Variants in RARS2 observed in about 807,000 individuals in gnomAD.
The protein encoded by RARS2 is arginyl-tRNA synthetase 2, mitochondrial.
Under a neutral mutation model 88.5 loss-of-function variants are expected in RARS2, and 67 were observed. The ratio of observed to expected loss-of-function variants is 0.76; its 90% CI spans 0.62 to 0.93. The LOEUF is 0.93. Ranked by LOEUF, RARS2 falls within the 40% of genes least tolerant of loss-of-function variation. RARS2 has a pLI of 0.00. For missense variants in RARS2, 664 were observed against 684.2 expected (o/e 0.97, Z 0.33); for synonymous variants, 239 against 230.3 (o/e 1.04, Z -0.34).
chr6:87,524,359 T>C (rs1444360457), intron 11 of RARS2, among the ~76,000 whole-genome samples, 198 bp downstream of exon 11: 1 of 152,224 alleles, frequency 6.6e-6, no homozygotes, highest in Non-Finnish European at 1.5e-5. Flanking sequence ...GCTAATATGG[T>C]CATCTTTTAG....
rs1178194247 is a variant in RARS2 at position 87,520,054 on chromosome 6, A to G, written c.1112+126T>C. ...AACCAAGACATAATACAAAAATCAAATCTACCTTTCCACACCAGTATCTTG... is the reference window on the plus strand; with the variant it reads ...AACCAAGACATAATACAAAAATCAAGTCTACCTTTCCACACCAGTATCTTG... On this transcript the variant is annotated intron_variant, in intron 13 of 19. Transcript: ENST00000369536. 19 of 851,146 alleles carry G rather than the reference A, an allele frequency of 2.2e-5. No individual in the cohort carries two copies. The East Asian group carries it at 4.6e-4, about 21-fold the overall frequency. 52.7% of individuals were successfully genotyped at this position (851,146 alleles called of 1,614,324 possible).
At position 87,515,095 on chromosome 6, in the gene RARS2, T is replaced by A. The variant is rs955941208; in HGVS notation, c.1587-75A>T. 3.5e-5 allele frequency: 39 copies of A among 1,103,332 alleles called. No individual in the cohort carries two copies. In the Admixed American group the frequency reaches 6.6e-4, roughly 19 times the overall value. The allele number at this position is 1,103,332 out of a possible 1,614,324, so 68.3% of individuals were successfully genotyped here. A position where few individuals can be genotyped will look rare whatever the true frequency, so the allele number is the denominator to read the frequency against. ...TGTAAGATATGAGCTTGATATCTAA[T>A]CTTACTCCTTCAACTTAATAAAGCC... On this transcript the variant is annotated intron_variant, in intron 18 of 19. Transcript: ENST00000369536.
Position 87,562,724 on chromosome 6 carries a change from A to C in RARS2, c.275T>G (p.Ile92Arg). 6.2e-7 allele frequency: 1 copy of C among 1,612,354 alleles called. No homozygotes were observed. The highest frequency in any genetic ancestry group is 8.5e-7 in the Non-Finnish European group (1 of 1,178,356). The change falls in exon 4 of 20, where the codon ATA becomes AGA. Residue 92 changes from isoleucine to arginine, a missense_variant. Transcript: ENST00000369536. ...TACCTTTGTTAAGAGCTCTCTGTTT[A>C]TTTTGAAATTTACAGTCCTTTGACC... is the stretch of plus-strand genomic sequence containing the variant. The part of the protein sequence containing the change: ...STGQRTVNFK[I>R]NRELLTKTVL...
chr6:87,570,071 C>T (rs1299841114), intron 1 of RARS2, among the ~76,000 whole-genome samples: 3 of 151,994 alleles, frequency 2.0e-5, no homozygotes, highest in Non-Finnish European at 4.4e-5. Context: ...CAAAACAAAA[C>T]CTCATGGCAT....
At chr6:87,531,334 T>A (rs1228670667) in intron 8 of RARS2, among the ~76,000 whole-genome samples, 3 of 152,212 alleles carry the variant, frequency 2.0e-5, no homozygotes, top group African/African-American at 7.2e-5. Context: ...TATTTAAGAC[T>A]AAACTGGCAT....
chr6:87,535,126 C>A (rs1778729231), intron 8 of RARS2, among the ~76,000 whole-genome samples: 1 of 152,136 alleles, frequency 6.6e-6, no homozygotes, highest in African/African-American at 2.4e-5. Flanking sequence ...CTATTTCTTA[C>A]ATATAAATGT....
At chr6:87,549,956 GAT>G (rs1393757818) in intron 5 of RARS2, among the ~76,000 whole-genome samples, 5 of 152,064 alleles carry the variant, frequency 3.3e-5, no homozygotes, top group Admixed American at 6.6e-5. Flanking sequence ...TTTAAAAAAA[GAT>G]AAATTAACTT....
At chr6:87,545,019 G>A (rs905257386) in intron 7 of RARS2, among the ~76,000 whole-genome samples, 2 of 152,130 alleles carry the variant, frequency 1.3e-5, no homozygotes, top group Admixed American at 1.3e-4. Context: ...CTTCTTCCCT[G>A]TATACTCACT....
intron 6 of RARS2, 28 bp downstream of exon 6, chr6:87,548,563 A>G: frequency 1.2e-6 from 2 of 1,601,560 alleles, no homozygotes; most frequent in Non-Finnish European, 1.7e-6. Flanking sequence ...AGGAACGTTT[A>G]GCATTTTATG....
chr6:87,530,931 T>C lies in RARS2; in HGVS notation c.624A>G (p.Gln208=), dbSNP rs775729257. 3.7e-6 allele frequency: 6 copies of C among 1,613,990 alleles called. No homozygotes were observed. The highest frequency in any genetic ancestry group is 5.1e-6 in the Non-Finnish European group (6 of 1,180,014). ...TATCATCTGCTGCTTCTTTATTAACTTGTACATAAACCTAAAAGTACAATA... is the reference window on the plus strand; with the variant it reads ...TATCATCTGCTGCTTCTTTATTAACCTGTACATAAACCTAAAAGTACAATA... ...PLQHLFEVYV[Q]VNKEAADDKS... Residue 208 remains glutamine, a synonymous_variant, in exon 9 of 20, where the codon CAA becomes CAG. Coordinates refer to ENST00000369536, the MANE Select transcript of RARS2 (RefSeq NM_020320.5).
Position 87,573,414 on chromosome 6 carries a change from A to G in RARS2, c.37-3824T>C, listed in dbSNP as rs572537450. Among the ~76,000 whole-genome samples, 4 of 152,340 alleles carry G rather than the reference A, an allele frequency of 2.6e-5. No individual in the cohort carries two copies. The East Asian group carries it at 5.8e-4, about 22-fold the overall frequency. On this transcript the variant is annotated intron_variant, in intron 1 of 19. Coordinates refer to ENST00000369536, the MANE Select transcript of RARS2 (RefSeq NM_020320.5). ...CCAACACTGGGGATTACAATTGAAC[A>G]TGAGATTTGGGTGGGGACACAGAGC... is the stretch of plus-strand genomic sequence containing the variant.
chr6:87,526,783 G>GCC lies in RARS2; in HGVS notation c.879-2133_879-2132dup, dbSNP rs547002934. 2.0e-5 allele frequency among the ~76,000 whole-genome samples: 3 copies of GCC among 150,710 alleles called. No individual in the cohort carries two copies. The South Asian group carries it at 6.3e-4, about 32-fold the overall frequency. The stretch of plus-strand genomic sequence containing the variant: ...CCTCCCGGGTTCAAGTGATTCTCCT[G>GCC]CCTGAGCCTCCCAAGTAGCTGGGAT... On this transcript the variant is annotated intron_variant, in intron 10 of 19. Coordinates refer to ENST00000369536, the MANE Select transcript of RARS2 (RefSeq NM_020320.5).
chr6:87,573,472 A>T (rs1770428860), intron 1 of RARS2, among the ~76,000 whole-genome samples: 1 of 152,206 alleles, frequency 6.6e-6, no homozygotes, highest in African/African-American at 2.4e-5. Context: ...ATTCTTACAT[A>T]ATGTAAATTT....
chr6:87,542,031 T>C (rs773189748), intron 7 of RARS2, 37 bp from the exon 8 acceptor site: 2 of 1,516,412 alleles, frequency 1.3e-6, no homozygotes, highest in South Asian at 2.2e-5. Flanking sequence ...ATTATAAAGT[T>C]GAACAACAGA....
intron 1 of RARS2, among the ~76,000 whole-genome samples, chr6:87,575,487 T>C (rs1771199511): frequency 6.6e-6 from 1 of 152,130 alleles, no homozygotes; most frequent in Non-Finnish European, 1.5e-5. Flanking sequence ...ACCAGAATTG[T>C]CTATCCAAAA....
At chr6:87,550,415 T>C (rs4409162) in intron 5 of RARS2, among the ~76,000 whole-genome samples, 4,862 of 152,032 alleles carry the variant, frequency 0.032, 106 homozygotes, top group Middle Eastern at 0.048. Flanking sequence ...AATGTTTATA[T>C]TAGAAAAAAG....
At chr6:87,581,913 C>T (rs1295427142) in intron 1 of RARS2, among the ~76,000 whole-genome samples, 1 of 151,660 alleles carries the variant, frequency 6.6e-6, no homozygotes, top group Non-Finnish European at 1.5e-5. Flanking sequence ...CCATTCATGT[C>T]CCTGCAAAGG....
chr6:87,559,376 A>AGAATCGCTT (rs1257295587), intron 4 of RARS2, among the ~76,000 whole-genome samples: 2 of 148,984 alleles, frequency 1.3e-5, no homozygotes, highest in Non-Finnish European at 3.0e-5. Context: ...CTGAGGCAGG[A>AGAATCGCTT]GAATCGCTTG....
intron 16 of RARS2, 117 bp from the exon 17 acceptor site, chr6:87,518,381 TA>T: frequency 6.4e-7 from 1 of 1,560,922 alleles, no homozygotes; most frequent in Non-Finnish European, 8.7e-7. Flanking sequence ...TTAATATCCA[TA>T]CACAGTGGAG....
Sources: gnomAD v4.1 joint callset for allele counts (sites outside exome capture counted in the v4.1 genomes callset) on GRCh38, gnomAD v4.1.1 for gene constraint, MANE v1.5 for transcripts, NCBI Gene and HGNC (gene_info 2026-07-23, HGNC 2026-07-21) for gene names.